Variants in UBE2J2 observed in about 807,000 individuals in gnomAD.
UBE2J2 encodes the protein ubiquitin-conjugating enzyme E2 J2.
A neutral mutation model predicts 28.6 loss-of-function variants in UBE2J2; 5 were observed. The observed-to-expected ratio is 0.17, with a 90% CI of 0.09 to 0.37. The LOEUF is 0.37. Ranked by LOEUF, UBE2J2 falls within the 10% of genes least tolerant of loss-of-function variation. The pLI, the probability that UBE2J2 is intolerant of heterozygous loss-of-function variation, is 1.00. For synonymous variants in UBE2J2, 138 were observed against 139.7 expected (o/e 0.99, Z 0.09); for missense variants, 226 against 338.9 (o/e 0.67, Z 2.62).
At chr1:1,267,602 C>G (rs766814970) in intron 2 of UBE2J2, 49 of 880,006 alleles carry the variant, frequency 5.6e-5, no homozygotes, top group Non-Finnish European at 6.7e-5. Flanking sequence ...ACCCCGCCCC[C>G]CTCAAGGGCC....
chr1:1,266,836 A>G (rs1202953794), intron 2 of UBE2J2, among the ~76,000 whole-genome samples: 1 of 152,132 alleles, frequency 6.6e-6, no homozygotes, highest in Non-Finnish European at 1.5e-5. Flanking sequence ...AAAAATAATA[A>G]TAAGTAATTT....
At chr1:1,263,970 AAC>A (rs1639705653) in intron 2 of UBE2J2, among the ~76,000 whole-genome samples, 1 of 152,202 alleles carries the variant, frequency 6.6e-6, no homozygotes, top group African/African-American at 2.4e-5. Flanking sequence ...CCATTTGGGC[AAC>A]AGAGTGAGAC....
At chr1:1,267,260 T>A (rs1413437225) in intron 2 of UBE2J2, among the ~76,000 whole-genome samples, 1 of 152,148 alleles carries the variant, frequency 6.6e-6, no homozygotes, top group Non-Finnish European at 1.5e-5. Flanking sequence ...CAGTATGCAC[T>A]CTCACACTCT....
chr1:1,260,980 G>A (rs1047054116), intron 3 of UBE2J2, among the ~76,000 whole-genome samples: 16 of 152,208 alleles, frequency 1.1e-4, no homozygotes, highest in African/African-American at 3.9e-4. Flanking sequence ...GCAGCACCAG[G>A]GGCAGAACAG....
At chr1:1,270,566 CTCAT>C in intron 1 of UBE2J2, among the ~76,000 whole-genome samples, 1 of 152,300 alleles carries the variant, frequency 6.6e-6, no homozygotes, top group Non-Finnish European at 1.5e-5. Flanking sequence ...CCTTCCCACT[CTCAT>C]TATCTTCTCT....
rs533229515 is a variant in UBE2J2, at chr1:1,272,020, G to C, written c.-1+1646C>G. On this transcript the variant is annotated intron_variant, in intron 1 of 6. Coordinates refer to ENST00000349431, the MANE Select transcript of UBE2J2 (RefSeq NM_058167.3). ...AAAAAAAAAATTAGCCGGGTGTGGT[G>C]GTGGGCACCTGCAATCCCAGCTACT... Among the ~76,000 whole-genome samples the C allele has an allele frequency of 2.7e-5, 4 of 145,580 alleles. No individual in the cohort carries two copies. The South Asian group carries it at 9.5e-4, about 35-fold the overall frequency.
rs1639977355 is a variant in UBE2J2 at position 1,268,253 on chromosome 1, G to A, written c.1-261C>T. Among the ~76,000 whole-genome samples, 2 of 152,218 alleles carry A rather than the reference G, an allele frequency of 1.3e-5. No individual in the cohort carries two copies. The highest frequency in any genetic ancestry group is 2.9e-5 in the Non-Finnish European group (2 of 68,018). ...GTACAAAGACGAGGAGAAACCCAAA[G>A]CCTCGTTCCTGTCCTCCAAAAACTC... On this transcript the variant is annotated intron_variant, in intron 1 of 6. Transcript: ENST00000349431. This position sits in a 1 kb window ranked among gnomAD's most constrained non-coding sequence, Gnocchi z 4.7.
chr1:1,267,591 G>A, intron 2 of UBE2J2: 2 of 746,248 alleles, frequency 2.7e-6, no homozygotes, highest in Non-Finnish European at 1.9e-6. Context: ...AGTCAACCTG[G>A]ACCCCGCCCC....
chr1:1,262,498 G>A, intron 3 of UBE2J2: 1 of 326,936 alleles, frequency 3.1e-6, no homozygotes, highest in Non-Finnish European at 6.1e-6. Flanking sequence ...ACAGTCCAAA[G>A]CAGGGGTTGC....
At chr1:1,273,042 C>T (rs1325009287) in intron 1 of UBE2J2, 1 of 152,342 alleles carries the variant, frequency 6.6e-6, no homozygotes, top group African/African-American at 2.4e-5. Context: ...GAGTTAAATA[C>T]ACACGCACTA....
intron 3 of UBE2J2, chr1:1,262,384 G>A (rs755842658): frequency 5.1e-5 from 23 of 453,930 alleles, no homozygotes; most frequent in South Asian, 3.6e-4. Flanking sequence ...ATCCAGAACT[G>A]GGATTCCTGG....
chr1:1,257,406 C>CAA lies in UBE2J2; in HGVS notation c.173-97_173-96insTT, dbSNP rs1204032536. ...TCCCCCCACGCCACCCCCCCCCCCC[C>CAA]CCTCAGCTCGGCTCCCGAGTCCTCA... On this transcript the variant is annotated intron_variant, in intron 3 of 6. Coordinates refer to ENST00000349431, the MANE Select transcript of UBE2J2 (RefSeq NM_058167.3). 1.2e-5 allele frequency: 7 copies of CAA among 560,974 alleles called. No homozygotes were observed. The South Asian group carries it at 1.8e-4, about 14-fold the overall frequency. The allele number at this position is 560,974 out of a possible 1,614,324, so 34.7% of individuals were successfully genotyped here. A position where few individuals can be genotyped will look rare whatever the true frequency, so the allele number is the denominator to read the frequency against.
At chr1:1,271,102 C>A (rs983393025) in intron 1 of UBE2J2, among the ~76,000 whole-genome samples, 22 of 152,276 alleles carry the variant, frequency 1.4e-4, no homozygotes, top group Non-Finnish European at 5.9e-5. Context: ...CAACGCAGGG[C>A]CCTTCTGGGC....
At chr1:1,257,808 G>A (rs1028553482) in intron 3 of UBE2J2, among the ~76,000 whole-genome samples, 14 of 151,748 alleles carry the variant, frequency 9.2e-5, no homozygotes, top group Admixed American at 6.6e-5. Context: ...GCACCCAAAG[G>A]CCAGCAAAAC....
intron 3 of UBE2J2, among the ~76,000 whole-genome samples, chr1:1,257,515 C>T (rs1390542012): frequency 6.6e-6 from 1 of 150,492 alleles, no homozygotes; most frequent in Non-Finnish European, 1.5e-5. Context: ...CATGACCACC[C>T]AGACCCAATG....
intron 3 of UBE2J2, 62 bp downstream of exon 3, chr1:1,263,284 G>A (rs1331984972): frequency 1.4e-6 from 2 of 1,447,992 alleles, no homozygotes; most frequent in Non-Finnish European, 1.9e-6. Context: ...TGTTGAACAG[G>A]CAAGGCTGAC....
At chr1:1,270,467 C>T (rs987866300) in intron 1 of UBE2J2, among the ~76,000 whole-genome samples, 7 of 152,282 alleles carry the variant, frequency 4.6e-5, no homozygotes, top group South Asian at 4.1e-4. Flanking sequence ...GCACCCAACG[C>T]GTGCTCCCAA....
In UBE2J2 at chr1:1,269,310, G is replaced by A. The variant is rs552583376; in HGVS notation, c.1-1318C>T. On this transcript the variant is annotated intron_variant, in intron 1 of 6. Transcript: ENST00000349431. ...ACCCCAAAGCCCCTCAGCCACACCC[G>A]AGACTGGGGAGAGGGGTGGTGATCA... Among the ~76,000 whole-genome samples, 3 of 148,990 alleles carry A rather than the reference G, an allele frequency of 2.0e-5. No individual in the cohort carries two copies. In the East Asian group the frequency reaches 6.0e-4, roughly 30 times the overall value.
rs1390265256 is a variant in UBE2J2 at position 1,268,247 on chromosome 1, C to T, written c.1-255G>A. Among the ~76,000 whole-genome samples, 1 of 152,164 alleles carries T rather than the reference C, an allele frequency of 6.6e-6. No homozygotes were observed. The highest frequency in any genetic ancestry group is 1.5e-5 in the Non-Finnish European group (1 of 68,042). On this transcript the variant is annotated intron_variant, in intron 1 of 6. Transcript: ENST00000349431. The surrounding 1 kb of genome is among the most constrained non-coding windows in gnomAD (Gnocchi z 4.7). Reference sequence around the variant, plus strand: ...GCTCAGGTACAAAGACGAGGAGAAACCCAAAGCCTCGTTCCTGTCCTCCAA... The same window carrying T: ...GCTCAGGTACAAAGACGAGGAGAAATCCAAAGCCTCGTTCCTGTCCTCCAA...
Sources: allele counts gnomAD v4.1 joint callset (sites outside exome capture counted in the v4.1 genomes callset), GRCh38; gene constraint gnomAD v4.1.1; non-coding constraint Gnocchi (gnomAD v3.1); transcripts MANE v1.5; gene names NCBI Gene and HGNC (gene_info 2026-07-23, HGNC 2026-07-21).